Variants in STXBP4 observed in about 807,000 individuals in gnomAD.
STXBP4 encodes syntaxin binding protein 4, also known as syntaxin-binding protein 4.
STXBP4 carries 55 observed loss-of-function variants against 76.1 expected under a neutral mutation model. That is an observed-to-expected ratio of 0.72 (90% CI 0.58 to 0.91). The LOEUF (loss-of-function observed/expected upper bound fraction) is 0.91, where lower values mean the gene tolerates loss of function less well. STXBP4 is among the 40% of genes least tolerant of loss of function. The probability of loss-of-function intolerance (pLI) is 0.00; values close to 1 mark genes in which losing one functional copy is unlikely to be tolerated. For synonymous variants in STXBP4, 201 were observed against 220.2 expected (o/e 0.91, Z 0.77); for missense variants, 618 against 636.9 (o/e 0.97, Z 0.32).
chr17:55,114,939 T>C (rs534123443), intron 16 of STXBP4, among the ~76,000 whole-genome samples: 1 of 151,996 alleles, frequency 6.6e-6, no homozygotes, highest in Non-Finnish European at 1.5e-5. Flanking sequence ...AAAAAAATAA[T>C]TGAAGTACAT....
the STXBP4 span, among the ~76,000 whole-genome samples, chr17:55,181,094 C>T: frequency 5.9e-5 from 9 of 152,176 alleles, no homozygotes; most frequent in Admixed American, 5.9e-4. Flanking sequence ...CACTAGCAAC[C>T]TATGCTTCTT....
intron 8 of STXBP4, among the ~76,000 whole-genome samples, chr17:55,020,412 A>G (rs779521043): frequency 9.2e-5 from 14 of 152,088 alleles, no homozygotes; most frequent in Non-Finnish European, 1.9e-4. Context: ...TTCTATGTCT[A>G]ACTATACAGT....
intron 15 of STXBP4, among the ~76,000 whole-genome samples, chr17:55,079,604 A>G (rs1484336025): frequency 6.6e-6 from 1 of 151,638 alleles, no homozygotes; most frequent in Non-Finnish European, 1.5e-5. Context: ...TCTACAAAAA[A>G]AAAAAAAAAA....
chr17:55,031,338 G>C, intron 9 of STXBP4, 74 bp downstream of exon 9: 1 of 1,200,464 alleles, frequency 8.3e-7, no homozygotes, highest in Non-Finnish European at 1.2e-6. Context: ...TTTTCATTAA[G>C]AGTGTTTGTT....
the STXBP4 span, among the ~76,000 whole-genome samples, chr17:55,185,329 C>CCTTCTCCTTCTCCTTCTCCTT: frequency 2.2e-5 from 3 of 138,382 alleles, no homozygotes; most frequent in South Asian, 5.0e-4. Context: ...TTCTCCTTCT[C>CCTTCTCCTTCTCCTTCTCCTT]CTCCTCCTCC....
chr17:55,148,362 T>G (rs936654945), intron 17 of STXBP4, among the ~76,000 whole-genome samples: 1 of 152,232 alleles, frequency 6.6e-6, no homozygotes, highest in Non-Finnish European at 1.5e-5. Flanking sequence ...AAATTATCGT[T>G]TCTTAGGCCC....
intron 16 of STXBP4, among the ~76,000 whole-genome samples, chr17:55,098,312 A>G (rs1200851964): frequency 6.6e-6 from 1 of 152,190 alleles, no homozygotes; most frequent in Admixed American, 6.6e-5. Flanking sequence ...CTTAATGGAT[A>G]TAAAGATTGA....
chr17:54,988,523 CA>C (rs1304293611), intron 3 of STXBP4, among the ~76,000 whole-genome samples: 1 of 152,126 alleles, frequency 6.6e-6, no homozygotes, highest in Non-Finnish European at 1.5e-5. Context: ...CCTGTAATCT[CA>C]GCACTTTGGG....
chr17:55,030,222 A>G (rs1270042415), intron 8 of STXBP4, among the ~76,000 whole-genome samples: 3 of 152,192 alleles, frequency 2.0e-5, no homozygotes, highest in Non-Finnish European at 4.4e-5. Flanking sequence ...ACCATGTTCC[A>G]ATTATCTTTC....
At chr17:55,059,917 A>G (rs1378461827) in intron 12 of STXBP4, among the ~76,000 whole-genome samples, 5 of 152,156 alleles carry the variant, frequency 3.3e-5, no homozygotes, top group African/African-American at 1.2e-4. Context: ...ATAAGGAGAA[A>G]CAACAGTCAA....
intron 16 of STXBP4, among the ~76,000 whole-genome samples, chr17:55,136,949 A>G (rs1178333596): frequency 6.6e-6 from 1 of 152,164 alleles, no homozygotes; most frequent in East Asian, 1.9e-4. Flanking sequence ...TTTCATTACT[A>G]TTAATAACAA....
chr17:55,081,905 T>G (rs893479747), intron 16 of STXBP4, among the ~76,000 whole-genome samples: 1 of 152,178 alleles, frequency 6.6e-6, no homozygotes, highest in African/African-American at 2.4e-5. Context: ...GGGGAAAACT[T>G]AAATGATTGG....
intron 3 of STXBP4, among the ~76,000 whole-genome samples, chr17:54,989,179 C>A (rs1184158891): frequency 6.6e-6 from 1 of 152,214 alleles, no homozygotes; most frequent in Non-Finnish European, 1.5e-5. Context: ...ACGATCTTGG[C>A]TCACAGCAAG....
At chr17:55,061,217 C>T (rs2078990461) in intron 12 of STXBP4, among the ~76,000 whole-genome samples, 1 of 152,114 alleles carries the variant, frequency 6.6e-6, no homozygotes, top group Non-Finnish European at 1.5e-5. Flanking sequence ...ACAAAGGAAA[C>T]CAAGAACAAA....
At chr17:55,159,162 T>C (rs2080312282) in intron 17 of STXBP4, among the ~76,000 whole-genome samples, 1 of 152,162 alleles carries the variant, frequency 6.6e-6, no homozygotes, top group Non-Finnish European at 1.5e-5. Context: ...CGAGAATTCC[T>C]TGAACCCCAG....
intron 16 of STXBP4, among the ~76,000 whole-genome samples, chr17:55,100,511 C>A (rs1390529047): frequency 6.6e-6 from 1 of 152,108 alleles, no homozygotes; most frequent in African/African-American, 2.4e-5. Flanking sequence ...AAAGAAACAA[C>A]CTAGAACTAA....
At chr17:55,009,352 A>G (rs545972134) in intron 8 of STXBP4, among the ~76,000 whole-genome samples, 1 of 152,332 alleles carries the variant, frequency 6.6e-6, no homozygotes, top group East Asian at 1.9e-4. Flanking sequence ...ATTCAATGAT[A>G]TTGATTTAGT....
At chr17:54,980,456 C>T (rs1331333808) in intron 1 of STXBP4, among the ~76,000 whole-genome samples, 1 of 152,144 alleles carries the variant, frequency 6.6e-6, no homozygotes, top group African/African-American at 2.4e-5. Context: ...AAGAATGAAA[C>T]AATGAAAGCA....
chr17:55,122,507 A>G (rs1233696143), intron 16 of STXBP4, among the ~76,000 whole-genome samples: 1 of 152,250 alleles, frequency 6.6e-6, no homozygotes, highest in African/African-American at 2.4e-5. Context: ...ATGCAGAGAT[A>G]AATGAAGGAA....
Sources: gnomAD v4.1 joint callset for allele counts (sites outside exome capture counted in the v4.1 genomes callset) on GRCh38, gnomAD v4.1.1 for gene constraint, MANE v1.5 for transcripts, NCBI Gene and HGNC (gene_info 2026-07-23, HGNC 2026-07-21) for gene names.